The following ASAH1 variants were observed in gnomAD, a reference collection of about 807,000 sequenced individuals.
ASAH1 encodes the protein acid ceramidase.
Under a neutral mutation model 59.5 loss-of-function variants are expected in ASAH1, and 70 were observed. The observed-to-expected ratio is 1.18, with a 90% confidence interval of 0.97 to 1.43. ASAH1 has a LOEUF of 1.43. ASAH1 is among the 40% of genes most tolerant of loss of function. The pLI is 0.00. For synonymous variants in ASAH1, 213 were observed against 166.5 expected (o/e 1.28, Z -2.15); for missense variants, 660 against 482.5 (o/e 1.37, Z -3.45).
chr8:18,068,305 C>G (rs554156172), intron 4 of ASAH1: 1 of 152,356 alleles, frequency 6.6e-6, no homozygotes, highest in South Asian at 2.1e-4. Context: ...GGCACAAAAA[C>G]TCTCTGCAAT....
chr8:18,084,285 A>C (rs34466559), upstream of ASAH1: 89,215 of 1,436,972 alleles, frequency 0.062, 3,444 homozygotes, highest in African/African-American at 0.17. Flanking sequence ...CTTCCAGGCT[A>C]CCTGCAGAAG....
At chr8:18,078,112 A>T (rs1262051483) in intron 1 of ASAH1, among the ~76,000 whole-genome samples, 6 of 152,200 alleles carry the variant, frequency 3.9e-5, no homozygotes, top group Non-Finnish European at 7.3e-5. Context: ...CGCGTAGTTC[A>T]GGGCTTCTGG....
rs753723117 is a variant in ASAH1, at chr8:18,057,399, G to A, written c.*135C>T. ...ATCTGTCATTTGTCAACAGATGGAC[G>A]AAGACAAGCTATTGACTCAAAGAGA... is the stretch of plus-strand genomic sequence containing the variant. On this transcript the variant is annotated 3_prime_UTR_variant, in exon 14 of 14. Coordinates refer to ENST00000637790, the MANE Select transcript of ASAH1 (RefSeq NM_177924.5). The A allele has an allele frequency of 3.4e-5, 20 of 594,664 alleles. No individual in the cohort carries two copies. The highest frequency in any genetic ancestry group is 4.8e-5 in the South Asian group (3 of 62,008). 36.8% of individuals were successfully genotyped at this position (594,664 alleles called of 1,614,324 possible).
In ASAH1 at chr8:18,059,715, C is replaced by A. The variant is rs1248929220; in HGVS notation, c.786-12G>T. ...TGGCTTCTTCATAACTATATAGAAACATTTAAAAAGAAAAATGAAACTTTT... is the reference window on the plus strand; with the variant it reads ...TGGCTTCTTCATAACTATATAGAAAAATTTAAAAAGAAAAATGAAACTTTT... On this transcript the variant is annotated splice_polypyrimidine_tract_variant and intron_variant, in intron 10 of 13. Transcript: ENST00000637790. 1 of 1,597,560 alleles carries A rather than the reference C, an allele frequency of 6.3e-7. No homozygotes were observed. Among genetic ancestry groups the A allele is most frequent in the African/African-American group, 1.4e-5 (1 of 73,902 alleles).
chr8:18,063,453 G>GCGAC (rs1180191631), intron 6 of ASAH1: 12 of 477,510 alleles, frequency 2.5e-5, no homozygotes, highest in Non-Finnish European at 4.4e-5. Context: ...ACAGACATGT[G>GCGAC]CGACCGCACC....
intron 7 of ASAH1, 167 bp from the exon 8 acceptor site, chr8:18,062,590 AAAATT>A: frequency 1.3e-6 from 1 of 765,648 alleles, no homozygotes; most frequent in Non-Finnish European, 2.1e-6. Flanking sequence ...TCCAAATGAT[AAAATT>A]GAGGTTCAGA....
intron 13 of ASAH1, 93 bp downstream of exon 13, chr8:18,058,742 G>C: frequency 8.6e-7 from 1 of 1,166,678 alleles, no homozygotes; most frequent in Non-Finnish European, 1.3e-6. Context: ...CACACCTTTT[G>C]TGCTCAAACT....
At chr8:18,064,594 T>C in intron 5 of ASAH1, 63 bp from the exon 6 acceptor site, 2 of 995,036 alleles carry the variant, frequency 2.0e-6, no homozygotes, top group Non-Finnish European at 3.1e-6. Flanking sequence ...AAAATTTGTT[T>C]TAAGAAAAAG....
At chr8:18,084,711 T>C (rs3213606), upstream of ASAH1, 2,220 of 1,613,758 alleles carry the variant, frequency 1.4e-3, 39 homozygotes, top group East Asian at 0.034. Flanking sequence ...AATCCCAGAA[T>C]TGAGGCCTCG....
upstream of ASAH1, chr8:18,084,448 C>T (rs1264582818): frequency 5.1e-6 from 7 of 1,361,354 alleles, no homozygotes; most frequent in African/African-American, 1.5e-5. Flanking sequence ...GCGGGTGCAG[C>T]CTGTCCCGCG....
In ASAH1 at chr8:18,064,474, A is replaced by G. The variant is rs1564540528; in HGVS notation, c.440T>C (p.Val147Ala). The change falls in exon 6 of 14, where the codon GTA becomes GCA. Residue 147 changes from valine to alanine, a missense_variant. By Grantham distance (64) the Val-to-Ala change is moderately conservative (BLOSUM62 0). Transcript: ENST00000637790. ...ACAATTACCTTTTTTGTCTTCTGCTACTATTGAAGTACAAATGGTAAATAA... is the reference window on the plus strand; with the variant it reads ...ACAATTACCTTTTTTGTCTTCTGCTGCTATTGAAGTACAAATGGTAAATAA... ...YELFTICTSI[V>A]AEDKKGHLIH... 1 of 1,577,834 alleles carries G rather than the reference A, an allele frequency of 6.3e-7. No homozygotes were observed. Among genetic ancestry groups the G allele is most frequent in the African/African-American group, 1.4e-5 (1 of 74,010 alleles).
intron 5 of ASAH1, 132 bp downstream of exon 5, chr8:18,067,088 A>T (rs1799956983): frequency 1.2e-5 from 2 of 160,588 alleles, no homozygotes; most frequent in South Asian, 1.2e-4. Flanking sequence ...TGAGCTGTAT[A>T]TCTAAGACCT....
intron 1 of ASAH1, among the ~76,000 whole-genome samples, chr8:18,081,347 A>C (rs1477084935): frequency 6.6e-6 from 1 of 152,080 alleles, no homozygotes; most frequent in East Asian, 1.9e-4. Flanking sequence ...TTTCTGGACT[A>C]GTCTCCTCAT....
intron 3 of ASAH1, among the ~76,000 whole-genome samples, chr8:18,070,805 G>A (rs1161610792): frequency 6.6e-6 from 1 of 152,130 alleles, no homozygotes; most frequent in Non-Finnish European, 1.5e-5. Flanking sequence ...TATTCTGTGG[G>A]TAATTTCATG....
rs17636098 is a variant in ASAH1, at chr8:18,061,217, G to A, written c.785+160C>T. 256,369 of 619,928 alleles carry A rather than the reference G, an allele frequency of 0.41. 57,545 individuals are homozygous for A. The highest frequency in any genetic ancestry group is 0.68 in the East Asian group (22,232 of 32,872). 38.4% of individuals were successfully genotyped at this position (619,928 alleles called of 1,614,324 possible). On this transcript the variant is annotated intron_variant, in intron 10 of 13. Coordinates refer to ENST00000637790, the MANE Select transcript of ASAH1 (RefSeq NM_177924.5). Reference sequence around the variant, plus strand: ...TTGCTATAAAACACACAGTCTGCACGAAGAAAACATGAGTAATTCCACATG... The same window carrying A: ...TTGCTATAAAACACACAGTCTGCACAAAGAAAACATGAGTAATTCCACATG...
At chr8:18,075,474 A>C (rs764349276) in intron 2 of ASAH1, 67 bp downstream of exon 2, 27 of 1,461,296 alleles carry the variant, frequency 1.8e-5, no homozygotes, top group Non-Finnish European at 2.5e-5. Flanking sequence ...GTTTATGAGC[A>C]ATTATTACAT....
chr8:18,081,495 A>G (rs1302702143), intron 1 of ASAH1, among the ~76,000 whole-genome samples: 1 of 152,204 alleles, frequency 6.6e-6, no homozygotes, highest in Non-Finnish European at 1.5e-5. Context: ...AATCCTTAAT[A>G]AGAGTCTACA....
intron 2 of ASAH1, chr8:18,073,158 T>A (rs559061369): frequency 1.9e-5 from 22 of 1,145,610 alleles, no homozygotes; most frequent in Admixed American, 7.4e-5. Context: ...AGCTTAGCCA[T>A]AATTGCACAT....
chr8:18,059,854 C>T (rs1265339096), intron 10 of ASAH1, 151 bp from the exon 11 acceptor site: 2 of 710,286 alleles, frequency 2.8e-6, no homozygotes, highest in Non-Finnish European at 4.5e-6. Flanking sequence ...TGGTGGTTTG[C>T]TGCACCCATC....
Sources: allele counts gnomAD v4.1 joint callset (sites outside exome capture counted in the v4.1 genomes callset), GRCh38; gene constraint gnomAD v4.1.1; transcripts MANE v1.5; gene names NCBI Gene and HGNC (gene_info 2026-07-23, HGNC 2026-07-21).